The following DMD variants were observed in gnomAD, a reference collection of about 807,000 sequenced individuals.
The protein encoded by DMD is dystrophin.
DMD carries 63 observed loss-of-function variants against 330.1 expected under a neutral mutation model. That is an observed-to-expected ratio of 0.19 (90% CI 0.16 to 0.24). The LOEUF (loss-of-function observed/expected upper bound fraction) is 0.24. Ranked by LOEUF, DMD falls within the 10% of genes least tolerant of loss-of-function variation. The probability of loss-of-function intolerance (pLI) is 1.00; values close to 1 mark genes in which losing one functional copy is unlikely to be tolerated. For synonymous variants in DMD, 1,223 were observed against 959.8 expected, an observed-to-expected ratio of 1.27 and a Z score of -5.07; for missense variants, 3,344 against 2,684.1, an observed-to-expected ratio of 1.25 and a Z score of -5.43.
chrX:32,869,475 A>G (rs1187331875), intron 2 of DMD, among the ~76,000 whole-genome samples: 1 of 110,302 alleles, frequency 9.1e-6, no homozygotes, highest in Non-Finnish European at 1.9e-5. Flanking sequence ...AGCATGGTCT[A>G]ACCCAATGCA....
At chrX:32,511,529 A>G (rs1349937030) in intron 18 of DMD, among the ~76,000 whole-genome samples, 2 of 105,437 alleles carry the variant, frequency 1.9e-5, no homozygotes, top group South Asian at 4.3e-4. Flanking sequence ...CTCGGGAAAA[A>G]AAAAAAAAAA....
chrX:32,618,969 C>A (rs1396562895), intron 11 of DMD, among the ~76,000 whole-genome samples: 1 of 110,990 alleles, frequency 9.0e-6, no homozygotes, highest in African/African-American at 3.3e-5. Flanking sequence ...ATTATATATA[C>A]AAAGGAAATG....
At chrX:31,173,046 T>C (rs2040159117) in intron 72 of DMD, among the ~76,000 whole-genome samples, 1 of 111,848 alleles carries the variant, frequency 8.9e-6, no homozygotes, top group Admixed American at 9.5e-5. Context: ...TAATTCAGTT[T>C]TTAGGTATAA....
chrX:32,318,809 T>C (rs1240764790), intron 41 of DMD, among the ~76,000 whole-genome samples: 1 of 111,931 alleles, frequency 8.9e-6, no homozygotes, highest in African/African-American at 3.2e-5. Context: ...AGAATTAATT[T>C]TTAAAGCAGG....
chrX:32,467,703 A>G (rs2148453022), intron 23 of DMD, among the ~76,000 whole-genome samples: 1 of 107,599 alleles, frequency 9.3e-6, no homozygotes. Flanking sequence ...ACATATATAT[A>G]TGGAAGCTAA....
intron 27 of DMD, among the ~76,000 whole-genome samples, chrX:32,441,765 C>T (rs748673333): frequency 9.9e-5 from 11 of 111,286 alleles, no homozygotes; most frequent in African/African-American, 9.7e-5. Context: ...TTATATCATA[C>T]CATTTTCTGT....
intron 4 of DMD, among the ~76,000 whole-genome samples, chrX:32,842,536 AC>A (rs72351473): frequency 0.12 from 12,581 of 108,847 alleles, 1,158 homozygotes; most frequent in African/African-American, 0.32. Flanking sequence ...TGCAAGTAAG[AC>A]CCCCCCCATA....
chrX:32,583,744 GC>G (rs1441503868), intron 13 of DMD: 1 of 112,016 alleles, frequency 8.9e-6, no homozygotes, highest in African/African-American at 3.3e-5. Context: ...ATTCTACAGT[GC>G]CAACTTGTTG....
In DMD at chrX:32,669,247, A is replaced by G. The variant is rs138179426; in HGVS notation, c.961-24095T>C. 9.0e-5 allele frequency among the ~76,000 whole-genome samples: 10 copies of G among 111,666 alleles called. No individual in the cohort carries two copies. The East Asian group carries it at 2.0e-3, about 22-fold the overall frequency. On this transcript the variant is annotated intron_variant, in intron 9 of 78. Coordinates refer to ENST00000357033, the MANE Select transcript of DMD (RefSeq NM_004006.3). ...TTCTTGTTTTCCACACTTATACTTA[A>G]AAATCCCTCTCACAGCACACAAGTA...
At chrX:31,746,920 G>A (rs1350806315) in intron 51 of DMD, among the ~76,000 whole-genome samples, 1 of 111,320 alleles carries the variant, frequency 9.0e-6, no homozygotes, top group African/African-American at 3.3e-5. Flanking sequence ...AGGGGAAAAA[G>A]TGCTTAACAA....
intron 1 of DMD, among the ~76,000 whole-genome samples, chrX:33,249,507 G>T: frequency 9.0e-6 from 1 of 111,290 alleles, no homozygotes; most frequent in Non-Finnish European, 1.9e-5. Flanking sequence ...TATCATTATT[G>T]CATTTACTTC....
chrX:31,149,881 T>G (rs2037187624), intron 74 of DMD, among the ~76,000 whole-genome samples: 1 of 112,063 alleles, frequency 8.9e-6, no homozygotes, highest in Non-Finnish European at 1.9e-5. Context: ...CACTTCTTAG[T>G]GCATTTCTAA....
At chrX:33,140,392 C>G (rs1050895653) in intron 1 of DMD, among the ~76,000 whole-genome samples, 1 of 111,757 alleles carries the variant, frequency 8.9e-6, no homozygotes, top group African/African-American at 3.3e-5. Context: ...CTAAATAGTA[C>G]AAAGATGTTC....
At chrX:32,868,595 G>A (rs2082705680) in intron 2 of DMD, among the ~76,000 whole-genome samples, 1 of 112,372 alleles carries the variant, frequency 8.9e-6, no homozygotes, top group Non-Finnish European at 1.9e-5. Flanking sequence ...TTGAACCCAG[G>A]AGGAATTCCC....
chrX:33,267,191 T>C (rs2053058757), intron 1 of DMD, among the ~76,000 whole-genome samples: 1 of 110,628 alleles, frequency 9.0e-6, no homozygotes, highest in South Asian at 3.8e-4. Flanking sequence ...GTAAAACATA[T>C]AAAAATTAAT....
intron 4 of DMD, among the ~76,000 whole-genome samples, chrX:32,841,960 A>G (rs911454548): frequency 4.4e-5 from 5 of 112,472 alleles, no homozygotes; most frequent in Non-Finnish European, 9.4e-5. Flanking sequence ...GAATATAGCA[A>G]TAACTCAATT....
At position 32,522,442 on chromosome X, in the gene DMD, G is replaced by A. The variant is rs781462927; in HGVS notation, c.2169-4311C>T. Among the ~76,000 whole-genome samples the A allele has an allele frequency of 9.9e-5, 11 of 111,588 alleles. No homozygotes were observed. The South Asian group carries it at 3.4e-3, about 34-fold the overall frequency. ...CATATCCGTATAATTTGTAAAGATCGCATCAGTGTACTTGGGATATCCATA... is the reference window on the plus strand; with the variant it reads ...CATATCCGTATAATTTGTAAAGATCACATCAGTGTACTTGGGATATCCATA... On this transcript the variant is annotated intron_variant, in intron 17 of 78. Coordinates refer to ENST00000357033, the MANE Select transcript of DMD (RefSeq NM_004006.3).
chrX:31,239,271 A>AC (rs1435044426), intron 63 of DMD, among the ~76,000 whole-genome samples: 6 of 112,291 alleles, frequency 5.3e-5, no homozygotes, highest in African/African-American at 1.9e-4. Flanking sequence ...TTACTGGGCA[A>AC]CCAGGAATTA....
chrX:32,869,451 T>C (rs1403961915), intron 2 of DMD, among the ~76,000 whole-genome samples: 1 of 110,373 alleles, frequency 9.1e-6, no homozygotes, highest in Non-Finnish European at 1.9e-5. Flanking sequence ...TAACGAACTT[T>C]ACTGAGCTAA....
Sources: gnomAD v4.1 joint callset for allele counts (sites outside exome capture counted in the v4.1 genomes callset) on GRCh38, gnomAD v4.1.1 for gene constraint, MANE v1.5 for transcripts, NCBI Gene and HGNC (gene_info 2026-07-23, HGNC 2026-07-21) for gene names.